Variants in DOT1L observed in about 807,000 individuals in gnomAD.
DOT1L encodes DOT1 like histone lysine methyltransferase, also known as histone-lysine N-methyltransferase, H3 lysine-79 specific.
Under a neutral mutation model 153.3 loss-of-function variants are expected in DOT1L, and 33 were observed. That is an observed-to-expected ratio of 0.22 (90% CI 0.16 to 0.29). DOT1L has a LOEUF of 0.29. DOT1L is among the 10% of genes least tolerant of loss of function. The probability of loss-of-function intolerance (pLI) is 1.00; values close to 1 mark genes in which losing one functional copy is unlikely to be tolerated. For synonymous variants in DOT1L, 1,135 were observed against 965.1 expected (o/e 1.18, Z -3.26); for missense variants, 1,847 against 2,119.9 (o/e 0.87, Z 2.53).
intron 1 of DOT1L, among the ~76,000 whole-genome samples, chr19:2,172,193 CTTTT>C (rs571890299): frequency 6.9e-6 from 1 of 144,110 alleles, no homozygotes. Context: ...CTTTTCTTTC[CTTTT>C]TTTTTTTTTT....
rs904813131 is a variant in DOT1L, at chr19:2,207,240, C to T, written c.857-334C>T. Among the ~76,000 whole-genome samples the T allele has an allele frequency of 3.3e-5, 5 of 152,338 alleles. No homozygotes were observed. The highest frequency in any genetic ancestry group is 3.9e-4 in the East Asian group (2 of 5,186). ...TCCTCTGAGGGGCTTCCCTGAGGAG[C>T]GCCCACCCGGGAGGTGCCTGTGTTG... On this transcript the variant is annotated intron_variant, in intron 10 of 27. Coordinates refer to ENST00000398665, the MANE Select transcript of DOT1L (RefSeq NM_032482.3). This position sits in a 1 kb window ranked among gnomAD's most constrained non-coding sequence, Gnocchi z 4.5.
chr19:2,172,375 G>C lies in DOT1L; in HGVS notation c.81+8110G>C, dbSNP rs529458935. ...CAGCTAATTTTTTGTATTTTTAGCA[G>C]AGATGGGGTTTCACCATGTTAGCCA... is the stretch of plus-strand genomic sequence containing the variant. On this transcript the variant is annotated intron_variant, in intron 1 of 27. Transcript: ENST00000398665. Among the ~76,000 whole-genome samples the C allele has an allele frequency of 4.6e-5, 7 of 151,628 alleles. No homozygotes were observed. The South Asian group carries it at 1.5e-3, about 31-fold the overall frequency.
At chr19:2,218,651 C>T (rs952361806) in intron 22 of DOT1L, among the ~76,000 whole-genome samples, 3 of 151,682 alleles carry the variant, frequency 2.0e-5, no homozygotes, top group Non-Finnish European at 2.9e-5. Flanking sequence ...CCTGGGCCTC[C>T]CAAAGTGCTG....
intron 27 of DOT1L, chr19:2,229,271 C>G: frequency 1.0e-6 from 1 of 985,468 alleles, no homozygotes; most frequent in Non-Finnish European, 1.2e-6. Context: ...CCTCCAGGGA[C>G]ATGGCGTGCC....
At position 2,220,477 on chromosome 19, in the gene DOT1L, A is replaced by C; in HGVS notation, c.2806+255A>C. On this transcript the variant is annotated intron_variant, in intron 23 of 27. Transcript: ENST00000398665. This position sits in a 1 kb window ranked among gnomAD's most constrained non-coding sequence, Gnocchi z 4.5. The stretch of plus-strand genomic sequence containing the variant: ...TGACACCTCCTGCTTGGGTGTATTA[A>C]TTCAGCCCGTGAGGTCGGCCCCAGT... 1.7e-6 allele frequency: 1 copy of C among 592,136 alleles called. No individual in the cohort carries two copies. Among genetic ancestry groups the C allele is most frequent in the East Asian group, 3.6e-5 (1 of 27,846 alleles). The allele number at this position is 592,136 out of a possible 1,614,324, so 36.7% of individuals were successfully genotyped here.
At chr19:2,169,580 G>A (rs916109636) in intron 1 of DOT1L, among the ~76,000 whole-genome samples, 5 of 151,956 alleles carry the variant, frequency 3.3e-5, no homozygotes, top group Non-Finnish European at 7.4e-5. Flanking sequence ...TGCAGCCTCC[G>A]CCTCCTGGGT....
Position 2,223,477 on chromosome 19 carries a change from G to C in DOT1L, c.3587G>C (p.Ser1196Thr). The change falls in exon 25 of 28, where the codon AGC (serine) becomes ACC (threonine). Residue 1196 changes from serine (S) to threonine (T), a missense_variant. By Grantham distance (58) the Ser-to-Thr change is moderately conservative. This residue lies in a region of DOT1L where 934 missense variants were observed against 825.3 expected (regional missense o/e 1.13). Coordinates refer to ENST00000398665, the MANE Select transcript of DOT1L (RefSeq NM_032482.3). ...DEEPGSEDEP[S>T]SARIERKIAT... ...GAGCCAGGCTCTGAGGACGAGCCCA[G>C]CAGTGCTCGGCGAGTCCAGGGGCCC... is the stretch of plus-strand genomic sequence containing the variant. The C allele has an allele frequency of 6.2e-7, 1 of 1,610,778 alleles. No individual in the cohort carries two copies. Among genetic ancestry groups the C allele is most frequent in the South Asian group, 1.1e-5 (1 of 90,982 alleles).
At chr19:2,177,967 GGCTGGAGTGC>G (rs2022031484) in intron 1 of DOT1L, among the ~76,000 whole-genome samples, 1 of 151,508 alleles carries the variant, frequency 6.6e-6, no homozygotes, top group South Asian at 2.1e-4. Context: ...CTGTATCCCA[GGCTGGAGTGC>G]AGTGGTGCAG....
At chr19:2,202,246 C>T (rs12985448) in intron 8 of DOT1L, among the ~76,000 whole-genome samples, 45,900 of 152,144 alleles carry the variant, frequency 0.3, 8,522 homozygotes, top group Non-Finnish European at 0.42. Flanking sequence ...CTGCCAAGGG[C>T]GCCTCACCTG....
In DOT1L at chr19:2,223,312, C is replaced by T. The variant is rs1377891776; in HGVS notation, c.3422C>T (p.Thr1141Ile). 6.2e-7 allele frequency: 1 copy of T among 1,613,752 alleles called. No homozygotes were observed. Among genetic ancestry groups the T allele is most frequent in the Admixed American group, 1.7e-5 (1 of 60,004 alleles). The part of the protein sequence containing the change: ...VSNINQPLEI[T>I]AISSPETSLK... Reference sequence around the variant, plus strand: ...AACATCAACCAGCCCCTGGAGATTACAGCCATCTCGTCCCCGGAGACCTCC... The same window carrying T: ...AACATCAACCAGCCCCTGGAGATTATAGCCATCTCGTCCCCGGAGACCTCC... Residue 1141 changes from threonine to isoleucine, a missense_variant, in exon 25 of 28, where the codon ACA becomes ATA. By Grantham distance (89) the Thr-to-Ile change is moderately conservative. Transcript: ENST00000398665.
At chr19:2,192,152 A>G (rs1408336813) in intron 5 of DOT1L, among the ~76,000 whole-genome samples, 3 of 152,114 alleles carry the variant, frequency 2.0e-5, no homozygotes, top group Non-Finnish European at 4.4e-5. Context: ...CCCTTTCCAC[A>G]GTCCTGGCTT....
In DOT1L at chr19:2,226,232, TAGC is replaced by T. The variant is rs1235301588; in HGVS notation, c.3716_3718del (p.Ser1239del). ...CCGCGCCCGCCGGCGAGCCAGTCAA[TAGC>T]AGCAAGTGGAAGTCCACCTTCTCGC... On this transcript the variant is annotated inframe_deletion, in exon 27 of 28. Coordinates refer to ENST00000398665, the MANE Select transcript of DOT1L (RefSeq NM_032482.3). 1 of 1,551,892 alleles carries T rather than the reference TAGC, an allele frequency of 6.4e-7. No individual in the cohort carries two copies. Among genetic ancestry groups the T allele is most frequent in the Non-Finnish European group, 8.7e-7 (1 of 1,147,336 alleles).
At chr19:2,170,270 C>T (rs935232051) in intron 1 of DOT1L, among the ~76,000 whole-genome samples, 3 of 152,214 alleles carry the variant, frequency 2.0e-5, no homozygotes, top group Non-Finnish European at 2.9e-5. Flanking sequence ...GATGCAGGAA[C>T]AGATAGATGC....
Position 2,220,486 on chromosome 19 carries a change from G to A in DOT1L, c.2806+264G>A, listed in dbSNP as rs748399092. 1.6e-5 allele frequency: 9 copies of A among 577,056 alleles called. No individual in the cohort carries two copies. The highest frequency in any genetic ancestry group is 7.6e-5 in the East Asian group (2 of 26,376). The allele number at this position is 577,056 out of a possible 1,614,324, so 35.7% of individuals were successfully genotyped here. On this transcript the variant is annotated intron_variant, in intron 23 of 27. Coordinates refer to ENST00000398665, the MANE Select transcript of DOT1L (RefSeq NM_032482.3). This position sits in a 1 kb window ranked among gnomAD's most constrained non-coding sequence, Gnocchi z 4.5. ...CTGCTTGGGTGTATTAATTCAGCCC[G>A]TGAGGTCGGCCCCAGTGCTCTCGGG... is the stretch of plus-strand genomic sequence containing the variant.
intron 1 of DOT1L, among the ~76,000 whole-genome samples, chr19:2,166,702 C>T (rs2144638627): frequency 6.6e-6 from 1 of 152,366 alleles, no homozygotes. Context: ...TGAGCCACCG[C>T]ACCTGGCCTC....
At position 2,191,271 on chromosome 19, in the gene DOT1L, T is replaced by G; in HGVS notation, c.493+31T>G. 6.2e-7 allele frequency: 1 copy of G among 1,606,622 alleles called. No individual in the cohort carries two copies. Among genetic ancestry groups the G allele is most frequent in the Non-Finnish European group, 8.5e-7 (1 of 1,174,232 alleles). On this transcript the variant is annotated intron_variant, in intron 5 of 27. Transcript: ENST00000398665. This position sits in a 1 kb window ranked among gnomAD's most constrained non-coding sequence, Gnocchi z 6.8. ...TGTCGCCCGCCATGCCCGGCTCCTGTGCACTTCCAGGCCACACGCTCTGTG... is the reference window on the plus strand; with the variant it reads ...TGTCGCCCGCCATGCCCGGCTCCTGGGCACTTCCAGGCCACACGCTCTGTG...
At chr19:2,216,024 T>TC (rs2023884567) in intron 19 of DOT1L, 1 of 477,014 alleles carries the variant, frequency 2.1e-6, no homozygotes, top group East Asian at 3.6e-5. Flanking sequence ...AGACGAGAGC[T>TC]CTTTGTATCT....
intron 1 of DOT1L, among the ~76,000 whole-genome samples, chr19:2,177,682 G>A (rs1032662226): frequency 1.3e-5 from 2 of 152,034 alleles, no homozygotes; most frequent in Admixed American, 6.6e-5. Context: ...GGGCCTGCAA[G>A]TTCTGCCTGC....
chr19:2,216,123 C>T lies in DOT1L; in HGVS notation c.1924-158C>T, dbSNP rs1242294353. 5 of 1,112,012 alleles carry T rather than the reference C, an allele frequency of 4.5e-6. No individual in the cohort carries two copies. The Admixed American group carries it at 1.3e-4, about 30-fold the overall frequency. 68.9% of individuals were successfully genotyped at this position (1,112,012 alleles called of 1,614,324 possible). A position where few individuals can be genotyped will look rare whatever the true frequency, so the allele number is the denominator to read the frequency against. ...TGACTTTATTTGACGCCCCCAGCTT[C>T]CCGACCCCGCCTCTATGTGGTCGGC... On this transcript the variant is annotated intron_variant, in intron 19 of 27. Coordinates refer to ENST00000398665, the MANE Select transcript of DOT1L (RefSeq NM_032482.3).
Sources: allele counts gnomAD v4.1 joint callset (sites outside exome capture counted in the v4.1 genomes callset), GRCh38; gene constraint gnomAD v4.1.1; regional missense constraint gnomAD v4.1.1; non-coding constraint Gnocchi (gnomAD v3.1); transcripts MANE v1.5; gene names NCBI Gene and HGNC (gene_info 2026-07-23, HGNC 2026-07-21).